SRGAP3: variants seen among roughly 807,000 people sequenced by gnomAD.
SRGAP3 encodes SLIT-ROBO Rho GTPase-activating protein 3.
Under a neutral mutation model 121.1 loss-of-function variants are expected in SRGAP3, and 39 were observed. The observed-to-expected ratio is 0.32, with a 90% CI of 0.25 to 0.42. The LOEUF (loss-of-function observed/expected upper bound fraction) is 0.42. Ranked by LOEUF, SRGAP3 falls within the 10% of genes least tolerant of loss-of-function variation. The pLI, the probability that SRGAP3 is intolerant of heterozygous loss-of-function variation, is 1.00. For missense variants in SRGAP3, 1,213 were observed against 1,470.6 expected (o/e 0.82, Z 2.86); for synonymous variants, 601 against 570.0 (o/e 1.05, Z -0.77).
intron 3 of SRGAP3, among the ~76,000 whole-genome samples, chr3:9,288,130 GTTTT>G (rs57076828): frequency 8.4e-6 from 1 of 119,100 alleles, no homozygotes; most frequent in Non-Finnish European, 1.7e-5. Context: ...TTCTATCTTT[GTTTT>G]TTTTTTTTTT....
Position 9,038,064 on chromosome 3 carries a change from T to C in SRGAP3, c.1435A>G (p.Arg479Gly). Residue 479 changes from arginine to glycine, a missense_variant and splice_region_variant, in exon 11 of 22, where the codon AGG becomes GGG. By Grantham distance (125) the Arg-to-Gly change is moderately radical. Transcript: ENST00000383836. ...AAAACACAACTCTCCCACTCTCACC[T>C]GGTGGTGCCGCATTCTGCTCTTTCC... ...EGERAECGTT[R>G]PPCLPPKPQK... 1.2e-6 allele frequency: 2 copies of C among 1,614,210 alleles called. No individual in the cohort carries two copies. Among genetic ancestry groups the C allele is most frequent in the East Asian group, 2.2e-5 (1 of 44,882 alleles).
intron 10 of SRGAP3, among the ~76,000 whole-genome samples, chr3:9,045,203 A>C (rs1025161508): frequency 2.0e-5 from 3 of 151,756 alleles, no homozygotes; most frequent in East Asian, 1.9e-4. Context: ...AAAAAAAAAA[A>C]AAAAAACTTC....
intron 10 of SRGAP3, among the ~76,000 whole-genome samples, chr3:9,044,974 G>C (rs1229585879): frequency 1.3e-5 from 2 of 152,028 alleles, no homozygotes; most frequent in African/African-American, 4.8e-5. Flanking sequence ...TGGAGATTTG[G>C]TCTCAATTTA....
At chr3:9,020,065 G>A (rs994512534) in intron 14 of SRGAP3, among the ~76,000 whole-genome samples, 3 of 152,176 alleles carry the variant, frequency 2.0e-5, no homozygotes, top group African/African-American at 7.2e-5. Context: ...GGGAGACATG[G>A]TTCCAATACC....
In SRGAP3 at chr3:8,986,231, T is replaced by C. The variant is rs184873069; in HGVS notation, c.2887-299A>G. Among the ~76,000 whole-genome samples the C allele has an allele frequency of 7.4e-4, 112 of 152,322 alleles. No homozygotes were observed. The Middle Eastern group carries it at 0.017, about 23-fold the overall frequency. ...CTGGCTCTGCCACTTCCTTGCTATGTGACCTTATGCAAGTTCCCTCATCCC... is the reference window on the plus strand; with the variant it reads ...CTGGCTCTGCCACTTCCTTGCTATGCGACCTTATGCAAGTTCCCTCATCCC... On this transcript the variant is annotated intron_variant, in intron 21 of 21. Coordinates refer to ENST00000383836, the MANE Select transcript of SRGAP3 (RefSeq NM_014850.4).
chr3:9,292,782 C>T (rs1954890781), intron 3 of SRGAP3: 1 of 152,020 alleles, frequency 6.6e-6, no homozygotes, highest in Non-Finnish European at 1.5e-5. Flanking sequence ...CTGCAAATAG[C>T]TCATAAGCAC....
At position 9,173,693 on chromosome 3, in the gene SRGAP3, T is replaced by G. The variant is rs201821671; in HGVS notation, c.68-48776A>C. 9.7e-5 allele frequency among the ~76,000 whole-genome samples: 14 copies of G among 144,064 alleles called. No individual in the cohort carries two copies. In the East Asian group the frequency reaches 3.0e-3, roughly 31 times the overall value. 94.5% of individuals were successfully genotyped at this position (144,064 alleles called of 152,430 possible). On this transcript the variant is annotated intron_variant, in intron 1 of 21. Coordinates refer to ENST00000383836, the MANE Select transcript of SRGAP3 (RefSeq NM_014850.4). ...CTTCTGCCTGGACCCTCCCCACCCCTGCCCACCTCTCCTCCCCATTCTTCA... is the reference window on the plus strand; with the variant it reads ...CTTCTGCCTGGACCCTCCCCACCCCGGCCCACCTCTCCTCCCCATTCTTCA...
At chr3:9,008,590 C>G (rs566284802) in intron 18 of SRGAP3, among the ~76,000 whole-genome samples, 2 of 151,698 alleles carry the variant, frequency 1.3e-5, no homozygotes, top group South Asian at 4.2e-4. Flanking sequence ...AGGTGGTCGG[C>G]AGAAGAAAAA....
intron 1 of SRGAP3, among the ~76,000 whole-genome samples, chr3:9,162,764 G>A (rs1575167558): frequency 6.6e-6 from 1 of 152,212 alleles, no homozygotes; most frequent in African/African-American, 2.4e-5. Flanking sequence ...TAACCTCACT[G>A]AGTCTCAGCT....
At chr3:9,097,262 G>T (rs746309404) in intron 3 of SRGAP3, among the ~76,000 whole-genome samples, 1 of 151,852 alleles carries the variant, frequency 6.6e-6, no homozygotes, top group South Asian at 2.1e-4. Flanking sequence ...AAGCTCTGGG[G>T]TTACAGATGT....
At chr3:8,996,761 C>A (rs898273599) in intron 18 of SRGAP3, among the ~76,000 whole-genome samples, 1 of 152,224 alleles carries the variant, frequency 6.6e-6, no homozygotes, top group Non-Finnish European at 1.5e-5. Flanking sequence ...GTCAGAAAGG[C>A]CGGAGGGTTT....
At chr3:9,083,381 C>T (rs1437052102) in intron 3 of SRGAP3, among the ~76,000 whole-genome samples, 1 of 152,214 alleles carries the variant, frequency 6.6e-6, no homozygotes, top group Non-Finnish European at 1.5e-5. Flanking sequence ...CCAGAGGCAA[C>T]TGCTACAAAA....
At chr3:9,269,051 C>T (rs1297590064) in intron 3 of SRGAP3, among the ~76,000 whole-genome samples, 1 of 152,140 alleles carries the variant, frequency 6.6e-6, no homozygotes, top group Non-Finnish European at 1.5e-5. Context: ...TCAGTGTTGG[C>T]CGGAACACGC....
At chr3:9,199,689 T>C (rs1952015239) in intron 1 of SRGAP3, among the ~76,000 whole-genome samples, 1 of 152,226 alleles carries the variant, frequency 6.6e-6, no homozygotes, top group Non-Finnish European at 1.5e-5. Flanking sequence ...TTTTTGGCTG[T>C]GTCTCTTCCT....
At chr3:9,228,334 T>C (rs952326133) in intron 1 of SRGAP3, among the ~76,000 whole-genome samples, 1 of 152,142 alleles carries the variant, frequency 6.6e-6, no homozygotes, top group African/African-American at 2.4e-5. Flanking sequence ...AAGTCAGAAA[T>C]GCAGATATTT....
chr3:9,071,680 A>C (rs1391581476), intron 4 of SRGAP3, among the ~76,000 whole-genome samples: 2 of 151,676 alleles, frequency 1.3e-5, no homozygotes, highest in Non-Finnish European at 2.9e-5. Context: ...GGATGGATGG[A>C]TGGATGGATG....
At position 8,985,991 on chromosome 3, in the gene SRGAP3, T is replaced by A; in HGVS notation, c.2887-59A>T. On this transcript the variant is annotated intron_variant, in intron 21 of 21. Coordinates refer to ENST00000383836, the MANE Select transcript of SRGAP3 (RefSeq NM_014850.4). This position sits in a 1 kb window ranked among gnomAD's most constrained non-coding sequence, Gnocchi z 5.1. Reference sequence around the variant, plus strand: ...TGGAGACCTGGAGTCAGGTCCTTCCTGTCTGCTAAGCAGCTTCCCTTCGTA... The same window carrying A: ...TGGAGACCTGGAGTCAGGTCCTTCCAGTCTGCTAAGCAGCTTCCCTTCGTA... 1 of 1,598,644 alleles carries A rather than the reference T, an allele frequency of 6.3e-7. No individual in the cohort carries two copies. Among genetic ancestry groups the A allele is most frequent in the Non-Finnish European group, 8.5e-7 (1 of 1,179,572 alleles).
intron 3 of SRGAP3, among the ~76,000 whole-genome samples, chr3:9,273,570 T>C (rs78422265): frequency 0.015 from 2,297 of 152,324 alleles, 29 homozygotes; most frequent in Middle Eastern, 0.027. Context: ...ATTATGTCCT[T>C]TGATGCACAA....
At chr3:9,025,735 A>G (rs987103376) in intron 13 of SRGAP3, among the ~76,000 whole-genome samples, 18 of 152,198 alleles carry the variant, frequency 1.2e-4, no homozygotes, top group African/African-American at 4.1e-4. Flanking sequence ...TGTTTCTACA[A>G]GACCTTAACA....
Sources: gnomAD v4.1 joint callset for allele counts (sites outside exome capture counted in the v4.1 genomes callset) on GRCh38, gnomAD v4.1.1 for gene constraint, Gnocchi (gnomAD v3.1) non-coding constraint, MANE v1.5 for transcripts, NCBI Gene and HGNC (gene_info 2026-07-23, HGNC 2026-07-21) for gene names.